Variants in SEMA4D observed in about 807,000 individuals in gnomAD.
SEMA4D encodes the protein semaphorin 4D.
Under a neutral mutation model 74.8 loss-of-function variants are expected in SEMA4D, and 22 were observed. That is an observed-to-expected ratio of 0.29 (90% confidence interval 0.21 to 0.42). The LOEUF (loss-of-function observed/expected upper bound fraction) is 0.42. Ranked by LOEUF, SEMA4D falls within the 10% of genes least tolerant of loss-of-function variation. SEMA4D has a pLI of 1.00. For synonymous variants in SEMA4D, 445 were observed against 463.7 expected (o/e 0.96, Z 0.52); for missense variants, 937 against 1,118.4 (o/e 0.84, Z 2.31).
At chr9:89,450,347 T>C (rs1426693586) in intron 2 of SEMA4D, 1 of 946,664 alleles carries the variant, frequency 1.1e-6, no homozygotes, top group East Asian at 2.4e-5. Flanking sequence ...AAACTTGACA[T>C]GCCTTCTTCA....
At position 89,379,222 on chromosome 9, in the gene SEMA4D, A is replaced by G. The variant is rs1836435549; in HGVS notation, c.2071T>C (p.Ser691Pro). Reference sequence around the variant, plus strand: ...GGAGGAAGGGTGATGGCCCCGGAGGAGGTGGCCTGCACGGCTGGGGTTGGG... The same window carrying G: ...GGAGGAAGGGTGATGGCCCCGGAGGGGGTGGCCTGCACGGCTGGGGTTGGG... The part of the protein sequence containing the change: ...SPPTPAVQAT[S>P]SGAITLPPKP... Residue 691 changes from serine to proline, a missense_variant, in exon 16 of 16, where the codon TCC (serine) becomes CCC (proline). Coordinates refer to ENST00000422704, the MANE Select transcript of SEMA4D (RefSeq NM_001371194.2). 1 of 1,613,704 alleles carries G rather than the reference A, an allele frequency of 6.2e-7. No homozygotes were observed. The highest frequency in any genetic ancestry group is 1.3e-5 in the African/African-American group (1 of 74,926).
chr9:89,453,226 C>CT (rs776750330), intron 2 of SEMA4D, among the ~76,000 whole-genome samples: 9 of 152,208 alleles, frequency 5.9e-5, no homozygotes, highest in Non-Finnish European at 1.0e-4. Context: ...ACACAGTGCA[C>CT]TTTATAAAGA....
chr9:89,397,922 G>C (rs1564620472), intron 5 of SEMA4D, among the ~76,000 whole-genome samples: 2 of 152,196 alleles, frequency 1.3e-5, no homozygotes, highest in African/African-American at 2.4e-5. Context: ...ACGGGAATGA[G>C]TATTCGGCCC....
chr9:89,461,700 C>CTCTCTCTTTTTT (rs71281350), intron 1 of SEMA4D, among the ~76,000 whole-genome samples: 46 of 103,656 alleles, frequency 4.4e-4, no homozygotes, highest in South Asian at 2.3e-3. Flanking sequence ...TCTTTTTTCT[C>CTCTCTCTTTTTT]TTTTTTTTTT....
chr9:89,392,706 GTTCT>G (rs71507795), intron 7 of SEMA4D, among the ~76,000 whole-genome samples, 170 bp from the exon 8 acceptor site: 28,217 of 151,954 alleles, frequency 0.19, 2,905 homozygotes, highest in Non-Finnish European at 0.23. Context: ...GTGTCTTCTA[GTTCT>G]TTCTTTTTCG....
chr9:89,418,272 G>A (rs1305237716), intron 2 of SEMA4D: 69 of 742,300 alleles, frequency 9.3e-5, no homozygotes, highest in Non-Finnish European at 1.1e-4. Context: ...GCTTGCATGT[G>A]CTGGGGAAGA....
intron 9 of SEMA4D, among the ~76,000 whole-genome samples, chr9:89,389,529 T>C (rs1424410524): frequency 6.6e-6 from 1 of 152,224 alleles, no homozygotes; most frequent in Non-Finnish European, 1.5e-5. Flanking sequence ...TGAACCTTCC[T>C]CCCTTTAAAG....
At chr9:89,365,465 C>G (rs918676586) in intron 16 of SEMA4D, 6 of 152,350 alleles carry the variant, frequency 3.9e-5, no homozygotes, top group Non-Finnish European at 8.8e-5. Context: ...CCAAATGGGC[C>G]ATGGGCCACC....
At chr9:89,387,642 C>T (rs757178717) in intron 11 of SEMA4D, 34 bp from the exon 12 acceptor site, 33 of 1,596,146 alleles carry the variant, frequency 2.1e-5, no homozygotes, top group Admixed American at 6.7e-5. Flanking sequence ...TTAACGTGCT[C>T]GTGTCCCACC....
chr9:89,362,685 TG>T (rs1335733774), intron 18 of SEMA4D, among the ~76,000 whole-genome samples: 1 of 152,204 alleles, frequency 6.6e-6, no homozygotes, highest in Non-Finnish European at 1.5e-5. Flanking sequence ...AGAGGGAGCC[TG>T]TGTGTGCTGA....
chr9:89,455,009 C>A (rs1193959433), intron 2 of SEMA4D, among the ~76,000 whole-genome samples: 2 of 152,270 alleles, frequency 1.3e-5, no homozygotes, highest in African/African-American at 4.8e-5. Flanking sequence ...AGCAGCCCTG[C>A]AGGGCAGGCA....
intron 2 of SEMA4D, 48 bp from the exon 3 acceptor site, chr9:89,405,747 C>T: frequency 1.5e-6 from 2 of 1,377,006 alleles, no homozygotes; most frequent in East Asian, 2.7e-5. Flanking sequence ...TGAGTGATGA[C>T]CTGCTTCTCA....
intron 9 of SEMA4D, among the ~76,000 whole-genome samples, chr9:89,390,366 G>A (rs1839573122): frequency 2.6e-5 from 4 of 151,740 alleles, no homozygotes; most frequent in Admixed American, 6.6e-5. Context: ...CCACGGCTGC[G>A]GGGCTGCGGG....
At chr9:89,449,451 G>C (rs4242602) in intron 2 of SEMA4D, 620,367 of 646,646 alleles carry the variant, frequency 0.96, 298,918 homozygotes, top group Non-Finnish European at 0.99. Flanking sequence ...GGCTTTCGCT[G>C]GCCCTCTCCT....
chr9:89,486,916 T>C (rs1182700815), intron 1 of SEMA4D, among the ~76,000 whole-genome samples: 1 of 151,576 alleles, frequency 6.6e-6, no homozygotes, highest in East Asian at 1.9e-4. Context: ...AGACCTTGTC[T>C]CCAAAAAGGG....
In SEMA4D at chr9:89,363,482, C is replaced by T. The variant is rs13295305; in HGVS notation, c.2138G>A (p.Arg713Lys). Residue 713 changes from arginine to lysine, a missense_variant, in exon 18 of 19, where the codon AGG (arginine) becomes AAG (lysine). By Grantham distance (26) the Arg-to-Lys change is conservative (BLOSUM62 2). Transcript: ENST00000339861. ...CCGGTCGTGCTCCCCAGCCACAGCC[C>T]TCCAGGCAGAGAGCTCTCTGGTCCA... The T allele has an allele frequency of 0.14, 231,894 of 1,613,984 alleles. 20,257 individuals carry two copies. The highest frequency in any genetic ancestry group is 0.4 in the Admixed American group (23,967 of 60,020).
At chr9:89,429,338 G>A (rs923806580) in intron 2 of SEMA4D, among the ~76,000 whole-genome samples, 14 of 152,212 alleles carry the variant, frequency 9.2e-5, no homozygotes, top group African/African-American at 3.1e-4. Context: ...CAGGGTGAGC[G>A]CCTTCTTGGG....
At chr9:89,409,944 ACTCTAAAAGG>A (rs1721459925) in intron 2 of SEMA4D, among the ~76,000 whole-genome samples, 1 of 152,170 alleles carries the variant, frequency 6.6e-6, no homozygotes, top group African/African-American at 2.4e-5. Flanking sequence ...CAATGAAATG[ACTCTAAAAGG>A]ATATGAACTT....
At chr9:89,481,421 C>T (rs573653877) in intron 1 of SEMA4D, among the ~76,000 whole-genome samples, 5 of 152,290 alleles carry the variant, frequency 3.3e-5, no homozygotes, top group African/African-American at 4.8e-5. Flanking sequence ...GGTGCCACCA[C>T]GGAGACAAGA....
Sources: allele counts gnomAD v4.1 joint callset (sites outside exome capture counted in the v4.1 genomes callset), GRCh38; gene constraint gnomAD v4.1.1; transcripts MANE v1.5; gene names NCBI Gene and HGNC (gene_info 2026-07-23, HGNC 2026-07-21).